Variants in SLC4A4 observed in about 807,000 individuals in gnomAD.
SLC4A4 encodes solute carrier family 4 member 4, also known as electrogenic sodium bicarbonate cotransporter 1.
In SLC4A4, 27 loss-of-function variants were observed where a neutral mutation model predicts 111.5. The ratio of observed to expected loss-of-function variants is 0.24; its 90% CI spans 0.18 to 0.33. The LOEUF (loss-of-function observed/expected upper bound fraction) is 0.33, where lower values mean the gene tolerates loss of function less well. SLC4A4 is among the 10% of genes least tolerant of loss of function. The pLI, the probability that SLC4A4 is intolerant of heterozygous loss-of-function variation, is 1.00. For synonymous variants in SLC4A4, 443 were observed against 463.4 expected (o/e 0.96, Z 0.57); for missense variants, 909 against 1,315.5 (o/e 0.69, Z 4.78).
intron 1 of SLC4A4, among the ~76,000 whole-genome samples, chr4:71,071,709 A>AT (rs1274527677): frequency 2.0e-5 from 3 of 152,134 alleles, no homozygotes. Context: ...TTCTTCATTT[A>AT]TTTAACTCTA....
At chr4:71,523,314 TA>T (rs927600798) in intron 16 of SLC4A4, among the ~76,000 whole-genome samples, 2 of 152,202 alleles carry the variant, frequency 1.3e-5, no homozygotes, top group African/African-American at 4.8e-5. Context: ...AAATAATTTT[TA>T]AAGTCAAATT....
intron 12 of SLC4A4, among the ~76,000 whole-genome samples, chr4:71,464,682 C>T (rs1396576722): frequency 6.6e-6 from 1 of 152,090 alleles, no homozygotes; most frequent in Non-Finnish European, 1.5e-5. Flanking sequence ...TTTTTATCCA[C>T]CGTCATCCCA....
At chr4:71,185,603 G>T (rs1333068859), upstream of SLC4A4, among the ~76,000 whole-genome samples, 1 of 152,152 alleles carries the variant, frequency 6.6e-6, no homozygotes, top group East Asian at 1.9e-4. Context: ...GTGTTTCCTT[G>T]TGCCTTCTGA....
intron 2 of SLC4A4, among the ~76,000 whole-genome samples, chr4:71,146,911 G>A (rs1314712239): frequency 6.1e-4 from 90 of 146,392 alleles, no homozygotes; most frequent in South Asian, 6.5e-4. Flanking sequence ...ATGTAAATGG[G>A]CTAAATGCTC....
intron 12 of SLC4A4, among the ~76,000 whole-genome samples, chr4:71,464,192 C>T (rs1727107240): frequency 6.6e-6 from 1 of 152,132 alleles, no homozygotes; most frequent in Non-Finnish European, 1.5e-5. Flanking sequence ...GTCTGTGGTA[C>T]ACCTTTTATC....
intron 3 of SLC4A4, chr4:71,301,227 AG>A (rs958975315): frequency 1.6e-5 from 4 of 243,462 alleles, no homozygotes; most frequent in Non-Finnish European, 2.5e-5. Context: ...GTAGTTAGCA[AG>A]GGGAGTGGGA....
chr4:71,203,712 G>A (rs1273417847), intron 1 of SLC4A4, among the ~76,000 whole-genome samples: 3 of 152,114 alleles, frequency 2.0e-5, no homozygotes, highest in Admixed American at 6.5e-5. Flanking sequence ...CAAAACACTT[G>A]TTTATTTAAA....
chr4:71,519,155 G>A (rs1030636880), intron 16 of SLC4A4, among the ~76,000 whole-genome samples: 12 of 152,134 alleles, frequency 7.9e-5, no homozygotes, highest in African/African-American at 2.9e-4. Context: ...TCAAATTTAT[G>A]TTTCTGCAGG....
intron 23 of SLC4A4, among the ~76,000 whole-genome samples, chr4:71,563,393 A>G (rs1170005343): frequency 6.6e-6 from 1 of 151,774 alleles, no homozygotes; most frequent in Non-Finnish European, 1.5e-5. Context: ...AGACGGAATC[A>G]GCATAAACAA....
chr4:71,205,422 C>T (rs1044353536), intron 1 of SLC4A4, among the ~76,000 whole-genome samples: 4 of 152,156 alleles, frequency 2.6e-5, no homozygotes, highest in African/African-American at 9.7e-5. Flanking sequence ...CCCCCCCATC[C>T]CCCAAATCAG....
At chr4:71,143,381 C>T (rs1209415527) in intron 2 of SLC4A4, among the ~76,000 whole-genome samples, 1 of 152,162 alleles carries the variant, frequency 6.6e-6, no homozygotes, top group Non-Finnish European at 1.5e-5. Flanking sequence ...CAAGTCTTTG[C>T]TATTGTGAAT....
intron 1 of SLC4A4, among the ~76,000 whole-genome samples, chr4:71,235,424 T>C (rs1356798712): frequency 2.0e-5 from 3 of 152,158 alleles, no homozygotes; most frequent in Admixed American, 6.5e-5. Context: ...GAGCATATAA[T>C]TGGATGAATA....
chr4:71,150,805 C>A (rs1358875162), intron 2 of SLC4A4, among the ~76,000 whole-genome samples: 1 of 152,122 alleles, frequency 6.6e-6, no homozygotes, highest in Non-Finnish European at 1.5e-5. Context: ...TATGGCCTCC[C>A]TTCCCCTTTC....
chr4:71,173,564 A>G (rs1745003860), intron 2 of SLC4A4, among the ~76,000 whole-genome samples: 1 of 152,076 alleles, frequency 6.6e-6, no homozygotes, highest in Admixed American at 6.5e-5. Context: ...TATTTTTAGT[A>G]AAGACAGGGT....
chr4:71,282,728 G>A (rs544786966), intron 3 of SLC4A4, among the ~76,000 whole-genome samples: 7 of 151,830 alleles, frequency 4.6e-5, no homozygotes, highest in African/African-American at 1.7e-4. Flanking sequence ...GACCACAGGT[G>A]TGTGCCACCA....
intron 14 of SLC4A4, among the ~76,000 whole-genome samples, chr4:71,485,924 G>GTTT (rs1729351807): frequency 2.6e-5 from 4 of 151,482 alleles, no homozygotes; most frequent in African/African-American, 9.7e-5. Context: ...CTCCCTTATG[G>GTTT]ATCTCATACT....
chr4:71,394,681 C>T (rs979176816), intron 6 of SLC4A4, among the ~76,000 whole-genome samples: 14 of 152,046 alleles, frequency 9.2e-5, no homozygotes, highest in Non-Finnish European at 2.1e-4. Flanking sequence ...AACTCGAATG[C>T]CCATCAGTCG....
chr4:71,257,761 C>T (rs895463039), intron 3 of SLC4A4, among the ~76,000 whole-genome samples: 21 of 152,248 alleles, frequency 1.4e-4, no homozygotes, highest in African/African-American at 3.4e-4. Flanking sequence ...TCTGGCAGTG[C>T]GCGATGTGAT....
In SLC4A4 at chr4:71,255,321, A is replaced by G. The variant is rs560219064; in HGVS notation, c.175A>G (p.Arg59Gly). Residue 59 changes from arginine (R) to glycine (G), a missense_variant, in exon 3 of 26, where the codon AGA becomes GGA. Physicochemically the swap from Arg to Gly is moderately radical, Grantham distance 125. Coordinates refer to ENST00000264485, the MANE Select transcript of SLC4A4 (RefSeq NM_001098484.3). ...GCACAAAGAAAAGAAGGAAAAGGAG[A>G]GAATCTCTGAGAACTACTCTGACAA... ...TGHKEKKEKE[R>G]ISENYSDKSD... The G allele has an allele frequency of 1.2e-6, 2 of 1,613,558 alleles. No homozygotes were observed. The highest frequency in any genetic ancestry group is 1.7e-4 in the Middle Eastern group (1 of 6,048).
Sources: allele counts gnomAD v4.1 joint callset (sites outside exome capture counted in the v4.1 genomes callset), GRCh38; gene constraint gnomAD v4.1.1; transcripts MANE v1.5; gene names NCBI Gene and HGNC (gene_info 2026-07-23, HGNC 2026-07-21).